USP2: variants seen among roughly 807,000 people sequenced by gnomAD.
The protein encoded by USP2 is ubiquitin specific peptidase 2, also known as ubiquitin carboxyl-terminal hydrolase 2.
A neutral mutation model predicts 72.0 loss-of-function variants in USP2; 33 were observed. The ratio of observed to expected loss-of-function variants is 0.46; its 90% confidence interval spans 0.35 to 0.61. The LOEUF is 0.61. Among genes scored for constraint, USP2 ranks in the 20% least tolerant of loss-of-function variants. USP2 has a pLI of 0.01. For synonymous variants in USP2, 296 were observed against 312.5 expected, an observed-to-expected ratio of 0.95 and a Z score of 0.56; for missense variants, 691 against 797.8, an observed-to-expected ratio of 0.87 and a Z score of 1.61.
Position 119,373,377 on chromosome 11 carries a change from T to A in USP2, c.104A>T (p.Tyr35Phe). 6.2e-7 allele frequency: 1 copy of A among 1,611,402 alleles called. No homozygotes were observed. Among genetic ancestry groups the A allele is most frequent in the Non-Finnish European group, 8.5e-7 (1 of 1,179,954 alleles). Reference protein sequence around the residue: ...SGYGAYTPSSYGANLAASLLE... With the variant: ...SGYGAYTPSSFGANLAASLLE... ...TAAGGAGGCAGCCAGATTGGCCCCA[T>A]AGGAGGACGGGGTGTAGGCACCATA... Residue 35 changes from tyrosine to phenylalanine, a missense_variant, in exon 2 of 13, where the codon TAT becomes TTT. Physicochemically the swap from Tyr to Phe is conservative, Grantham distance 22. Transcript: ENST00000260187.
At chr11:119,366,175 G>A (rs943249845) in intron 2 of USP2, among the ~76,000 whole-genome samples, 1 of 152,208 alleles carries the variant, frequency 6.6e-6, no homozygotes, top group Non-Finnish European at 1.5e-5. Context: ...GATTACAGGC[G>A]TGAGCCACCA....
chr11:119,373,265 C>T lies in USP2; in HGVS notation c.216G>A (p.Leu72=). The change falls in exon 2 of 13, where the codon CTG becomes CTA. Residue 72 remains leucine, a synonymous_variant. Coordinates refer to ENST00000260187, the MANE Select transcript of USP2 (RefSeq NM_004205.5). Reference sequence around the variant, plus strand: ...GCAGGGGGCGGCCCCGGTCATAGTCCAGGAGGGAGGAGGGGCCATAGGTAC... The same window carrying T: ...GCAGGGGGCGGCCCCGGTCATAGTCTAGGAGGGAGGAGGGGCCATAGGTAC... The part of the protein sequence containing the change: ...RPRTYGPSSL[L]DYDRGRPLLR... 6.2e-7 allele frequency: 1 copy of T among 1,613,880 alleles called. No homozygotes were observed. The highest frequency in any genetic ancestry group is 1.1e-5 in the South Asian group (1 of 91,070).
intron 2 of USP2, among the ~76,000 whole-genome samples, chr11:119,368,270 T>C (rs1950881313): frequency 6.6e-6 from 1 of 152,130 alleles, no homozygotes; most frequent in African/African-American, 2.4e-5. Flanking sequence ...GGCTTAGTGA[T>C]CCCGGGGTGG....
chr11:119,358,928 A>G (rs2135387857), intron 6 of USP2, 91 bp from the exon 7 acceptor site: 1 of 1,591,320 alleles, frequency 6.3e-7, no homozygotes, highest in East Asian at 2.2e-5. Flanking sequence ...TCAAAAGTAA[A>G]TCAGATTATT....
chr11:119,361,816 A>T (rs1212067603), intron 2 of USP2, among the ~76,000 whole-genome samples: 1 of 152,196 alleles, frequency 6.6e-6, no homozygotes, highest in Admixed American at 6.5e-5. Flanking sequence ...CAGGTGGGAT[A>T]TAAGCATCCT....
At chr11:119,375,593 G>C (rs1950990414) in intron 1 of USP2, among the ~76,000 whole-genome samples, 1 of 152,218 alleles carries the variant, frequency 6.6e-6, no homozygotes, top group Non-Finnish European at 1.5e-5. Context: ...TGGGGGCCCA[G>C]TCCTGCCCTA....
At position 119,356,661 on chromosome 11, in the gene USP2, C is replaced by T. The variant is rs1950657009; in HGVS notation, c.*174G>A. The stretch of plus-strand genomic sequence containing the variant: ...TGCCGGGCCACAGCTCAGGAAAGCC[C>T]GGCTCCTTGCTCCAGACCCTGATCA... On this transcript the variant is annotated 3_prime_UTR_variant, in exon 13 of 13. Transcript: ENST00000260187. 3 of 654,864 alleles carry T rather than the reference C, an allele frequency of 4.6e-6. No individual in the cohort carries two copies. Among genetic ancestry groups the T allele is most frequent in the Admixed American group, 3.3e-5 (1 of 30,202 alleles). The allele number at this position is 654,864 out of a possible 1,614,324, so 40.6% of individuals were successfully genotyped here. A position where few individuals can be genotyped will look rare whatever the true frequency, so the allele number is the denominator to read the frequency against.
chr11:119,379,251 G>A (rs535682228), intron 1 of USP2: 2 of 985,468 alleles, frequency 2.0e-6, no homozygotes, highest in African/African-American at 1.7e-5. Flanking sequence ...ACCTTGAGGG[G>A]CTGCCCTTTC....
In USP2 at chr11:119,357,966, C is replaced by T. The variant is rs879111851; in HGVS notation, c.1422+15G>A. ...CACGGAAATTTGTTCTTGCTATTAC[C>T]GAAGGGTGACTTACTGGCTTTTCAT... On this transcript the variant is annotated intron_variant, in intron 9 of 12. Coordinates refer to ENST00000260187, the MANE Select transcript of USP2 (RefSeq NM_004205.5). The T allele has an allele frequency of 1.2e-6, 2 of 1,614,152 alleles. No homozygotes were observed. Among genetic ancestry groups the T allele is most frequent in the Non-Finnish European group, 1.7e-6 (2 of 1,180,038 alleles).
intron 3 of USP2, 44 bp downstream of exon 3, chr11:119,360,140 G>A: frequency 1.2e-6 from 2 of 1,606,772 alleles, no homozygotes; most frequent in Non-Finnish European, 1.7e-6. Flanking sequence ...AGTCAGCATA[G>A]TAGGGGGTGG....
intron 2 of USP2, 31 bp downstream of exon 2, chr11:119,372,676 G>T: frequency 6.6e-7 from 1 of 1,504,142 alleles, no homozygotes; most frequent in African/African-American, 1.4e-5. Context: ...TGCCTCCCCA[G>T]CCTATCCCCG....
At chr11:119,364,872 T>C (rs1950830448) in intron 2 of USP2, among the ~76,000 whole-genome samples, 1 of 152,212 alleles carries the variant, frequency 6.6e-6, no homozygotes, top group Non-Finnish European at 1.5e-5. Context: ...GAACCTTTTC[T>C]GGTCTCTTCT....
chr11:119,381,279 G>A (rs932279595), intron 1 of USP2, among the ~76,000 whole-genome samples, 194 bp downstream of exon 1: 1 of 152,142 alleles, frequency 6.6e-6, no homozygotes, highest in Non-Finnish European at 1.5e-5. Context: ...GCTCTTCCTG[G>A]CACCCTGGGC....
intron 10 of USP2, 73 bp downstream of exon 10, chr11:119,357,684 C>T: frequency 6.2e-7 from 1 of 1,613,358 alleles, no homozygotes; most frequent in East Asian, 2.2e-5. Flanking sequence ...CGACTGTTCC[C>T]CTCACCTATG....
Position 119,356,538 on chromosome 11 carries a change from GAC to G in USP2, c.*295_*296del, listed in dbSNP as rs990480087. On this transcript the variant is annotated 3_prime_UTR_variant, in exon 13 of 13. Coordinates refer to ENST00000260187, the MANE Select transcript of USP2 (RefSeq NM_004205.5). ...GCGCAGCGAGGGTCTTCCCCCCCAA[GAC>G]ACAGTTGTTTCTGACACATAGGAAG... 2.1e-5 allele frequency: 7 copies of G among 329,520 alleles called. No individual in the cohort carries two copies. The highest frequency in any genetic ancestry group is 7.5e-5 in the South Asian group (1 of 13,330). The allele number at this position is 329,520 out of a possible 1,614,324, so 20.4% of individuals were successfully genotyped here. A position where few individuals can be genotyped will look rare whatever the true frequency, so the allele number is the denominator to read the frequency against.
chr11:119,374,489 G>GT (rs1950975131), intron 1 of USP2, among the ~76,000 whole-genome samples: 1 of 152,174 alleles, frequency 6.6e-6, no homozygotes, highest in African/African-American at 2.4e-5. Flanking sequence ...TAATCTATCT[G>GT]TTATACAGAT....
chr11:119,359,678 G>A lies in USP2; in HGVS notation c.826-18C>T, dbSNP rs1468780944. On this transcript the variant is annotated intron_variant, in intron 3 of 12. Coordinates refer to ENST00000260187, the MANE Select transcript of USP2 (RefSeq NM_004205.5). Reference sequence around the variant, plus strand: ...ATGAAGCACTGCAAGAGATGACCAGGCAATCAGTGGGGAGACGAGAGTCCC... The same window carrying A: ...ATGAAGCACTGCAAGAGATGACCAGACAATCAGTGGGGAGACGAGAGTCCC... 4 of 1,611,892 alleles carry A rather than the reference G, an allele frequency of 2.5e-6. No individual in the cohort carries two copies. The highest frequency in any genetic ancestry group is 3.4e-6 in the Non-Finnish European group (4 of 1,179,636).
At chr11:119,375,679 C>G (rs748540817) in intron 1 of USP2, among the ~76,000 whole-genome samples, 16 of 152,192 alleles carry the variant, frequency 1.1e-4, no homozygotes, top group Non-Finnish European at 2.4e-4. Flanking sequence ...TCTGGGACAC[C>G]AGGCAGCCAA....
At chr11:119,381,431 C>A in intron 1 of USP2, 42 bp downstream of exon 1, 1 of 1,533,304 alleles carries the variant, frequency 6.5e-7, no homozygotes, top group East Asian at 2.4e-5. Context: ...CGGCACTGAT[C>A]CCCGAATCCC....
Sources: allele counts gnomAD v4.1 joint callset (sites outside exome capture counted in the v4.1 genomes callset), GRCh38; gene constraint gnomAD v4.1.1; transcripts MANE v1.5; gene names NCBI Gene and HGNC (gene_info 2026-07-23, HGNC 2026-07-21).